OR2T12: variants seen among roughly 807,000 people sequenced by gnomAD.
The protein encoded by OR2T12 is olfactory receptor family 2 subfamily T member 12.
For missense variants in OR2T12, 335 were observed against 404.3 expected (o/e 0.83, Z 1.47); for synonymous variants, 127 against 160.5 (o/e 0.79, Z 1.58).
At chr1:248,298,840 C>A (rs9662385) in intron 2 of OR2T12, among the ~76,000 whole-genome samples, 2 of 151,034 alleles carry the variant, frequency 1.3e-5, no homozygotes, top group Non-Finnish European at 2.9e-5. Context: ...GTTTTTTGTG[C>A]CTCTATTTCC....
chr1:248,301,677 T>C (rs186963811), intron 1 of OR2T12, 124 bp from the exon 2 acceptor site: 33 of 152,262 alleles, frequency 2.2e-4, no homozygotes, highest in Admixed American at 3.9e-4. Flanking sequence ...TTAGTTGAAA[T>C]TTTATGCTTC....
Position 248,295,428 on chromosome 1 carries a change from G to A in OR2T12, c.151C>T (p.His51Tyr), listed in dbSNP as rs142912104. 273 of 1,600,224 alleles carry A rather than the reference G, an allele frequency of 1.7e-4. 6 individuals are homozygous for A. The African/African-American group carries it at 3.5e-3, about 21-fold the overall frequency. ...ALMILLIHWD[H>Y]RLHRPMYFLL... ...AAGTACATGGGCCTGTGGAGCCGGT[G>A]GTCCCAGTGAATCAGGAGAATCATG... Residue 51 changes from histidine to tyrosine, a missense_variant, in exon 3 of 3, where the codon CAC becomes TAC. By Grantham distance (83) the His-to-Tyr change is moderately conservative. Coordinates refer to ENST00000641276, the MANE Select transcript of OR2T12 (RefSeq NM_001004692.2).
chr1:248,295,322 C>T lies in OR2T12; in HGVS notation c.257G>A (p.Gly86Glu), dbSNP rs777107229. The T allele has an allele frequency of 3.7e-6, 6 of 1,609,234 alleles. No individual in the cohort carries two copies. In the East Asian group the frequency reaches 1.3e-4, roughly 36 times the overall value. Residue 86 changes from glycine (G) to glutamate (E), a missense_variant, in exon 3 of 3, where the codon GGA (glycine) becomes GAA (glutamate). Gly to Glu is a moderately conservative substitution (Grantham distance 98). Transcript: ENST00000641276. ...GCCAGCGCGGGAGATGGCCTTATTT[C>T]CGGTCAAGTAGTCAGCCGCCATTTT... ...VPKMAADYLT[G>E]NKAISRAGCG...
intron 2 of OR2T12, among the ~76,000 whole-genome samples, chr1:248,299,685 C>G (rs1195690997): frequency 6.6e-6 from 1 of 152,068 alleles, no homozygotes; most frequent in Non-Finnish European, 1.5e-5. Context: ...CCAAGCGGAC[C>G]TAATAGACAT....
Position 248,294,612 on chromosome 1 carries a change from T to A in OR2T12, c.*4A>T. On this transcript the variant is annotated 3_prime_UTR_variant, in exon 3 of 3. Transcript: ENST00000641276. Reference sequence around the variant, plus strand: ...TCAGGAACTTAGACTCATCTGACACTAGATCATCTTGACCTGTGGGCCTCA... The same window carrying A: ...TCAGGAACTTAGACTCATCTGACACAAGATCATCTTGACCTGTGGGCCTCA... The A allele has an allele frequency of 6.2e-7, 1 of 1,612,440 alleles. No homozygotes were observed. Among genetic ancestry groups the A allele is most frequent in the South Asian group, 1.1e-5 (1 of 90,976 alleles).
rs1659664944 is a variant in OR2T12 at position 248,293,569 on chromosome 1, T to C, written c.*1047A>G. ...TATTCTTCTGCAAACTCCAAATCTT[T>C]AAAATGTGTCCCAAATTTTTCATCA... is the stretch of plus-strand genomic sequence containing the variant. On this transcript the variant is annotated 3_prime_UTR_variant, in exon 3 of 3. Transcript: ENST00000641276. 6.6e-6 allele frequency: 1 copy of C among 152,146 alleles called. No individual in the cohort carries two copies. The highest frequency in any genetic ancestry group is 2.1e-4 in the South Asian group (1 of 4,826). The allele number at this position is 152,146 out of a possible 1,614,324, so 9.4% of individuals were successfully genotyped here. A position where few individuals can be genotyped will look rare whatever the true frequency, so the allele number is the denominator to read the frequency against.
In OR2T12 at chr1:248,296,573, T is replaced by A. The variant is rs527941659; in HGVS notation, c.-8-987A>T. ...TAACTGGTGTGAGATGATATCTCAT[T>A]GTGGTTTTGATTTGCATTTCTCTGA... On this transcript the variant is annotated intron_variant, in intron 2 of 2. Coordinates refer to ENST00000641276, the MANE Select transcript of OR2T12 (RefSeq NM_001004692.2). Among the ~76,000 whole-genome samples, 434 of 152,192 alleles carry A rather than the reference T, an allele frequency of 2.9e-3. 5 individuals carry two copies. The highest frequency in any genetic ancestry group is 1.0e-2 in the African/African-American group (414 of 41,538).
intron 2 of OR2T12, among the ~76,000 whole-genome samples, chr1:248,298,257 A>T (rs1351691482): frequency 6.6e-6 from 1 of 152,162 alleles, no homozygotes; most frequent in Non-Finnish European, 1.5e-5. Context: ...GTTTGCCAGT[A>T]TTTTATTGAG....
chr1:248,295,954 C>T (rs1659719579), intron 2 of OR2T12, among the ~76,000 whole-genome samples: 6 of 151,956 alleles, frequency 3.9e-5, no homozygotes, highest in Non-Finnish European at 1.5e-5. Flanking sequence ...GCTGCACCCA[C>T]TAACTCCTCA....
intron 1 of OR2T12, among the ~76,000 whole-genome samples, chr1:248,303,106 C>A (rs7517319): frequency 0.78 from 118,022 of 152,014 alleles, 46,046 homozygotes; most frequent in South Asian, 0.88. Context: ...CAGGACATAT[C>A]AAAACAAAAA....
intron 2 of OR2T12, among the ~76,000 whole-genome samples, chr1:248,298,548 A>G (rs924028237): frequency 7.3e-5 from 11 of 151,702 alleles, no homozygotes; most frequent in Non-Finnish European, 1.5e-4. Context: ...TGGTCTATTC[A>G]GAGATTCAAC....
chr1:248,291,981 G>A lies in OR2T12; in HGVS notation c.*2635C>T, dbSNP rs917602117. 6.6e-6 allele frequency: 1 copy of A among 152,036 alleles called. No homozygotes were observed. The highest frequency in any genetic ancestry group is 2.4e-5 in the African/African-American group (1 of 41,386). 9.4% of individuals were successfully genotyped at this position (152,036 alleles called of 1,614,324 possible). A position where few individuals can be genotyped will look rare whatever the true frequency, so the allele number is the denominator to read the frequency against. On this transcript the variant is annotated 3_prime_UTR_variant, in exon 3 of 3. Transcript: ENST00000641276. ...ACATAAAACCATAAAAACCCTAGAA[G>A]AAAACCTAGGCAGTACCATTCAGGA...
chr1:248,291,196 A>G lies in OR2T12; in HGVS notation c.*3420T>C, dbSNP rs1450132170. 1 of 152,144 alleles carries G rather than the reference A, an allele frequency of 6.6e-6. No individual in the cohort carries two copies. The highest frequency in any genetic ancestry group is 1.5e-5 in the Non-Finnish European group (1 of 68,014). The allele number at this position is 152,144 out of a possible 1,614,324, so 9.4% of individuals were successfully genotyped here. On this transcript the variant is annotated 3_prime_UTR_variant, in exon 3 of 3. Coordinates refer to ENST00000641276, the MANE Select transcript of OR2T12 (RefSeq NM_001004692.2). ...CATGATTGCATATTTAGAACACCCC[A>G]TCATCTCAGCTCAAAATCTCCTTAA...
chr1:248,300,107 T>C (rs1659793734), intron 2 of OR2T12, among the ~76,000 whole-genome samples: 1 of 151,908 alleles, frequency 6.6e-6, no homozygotes, highest in Non-Finnish European at 1.5e-5. Context: ...ATAATAATAA[T>C]AAAATTAAAA....
In OR2T12 at chr1:248,292,211, C is replaced by T. The variant is rs1450196506; in HGVS notation, c.*2405G>A. On this transcript the variant is annotated 3_prime_UTR_variant, in exon 3 of 3. Coordinates refer to ENST00000641276, the MANE Select transcript of OR2T12 (RefSeq NM_001004692.2). Reference sequence around the variant, plus strand: ...TATATAGGCAGTGTAAAGGAAAGAGCCAGAATGATTGAAGATAGCAGGTAA... The same window carrying T: ...TATATAGGCAGTGTAAAGGAAAGAGTCAGAATGATTGAAGATAGCAGGTAA... 2.0e-5 allele frequency: 3 copies of T among 152,016 alleles called. No individual in the cohort carries two copies. The highest frequency in any genetic ancestry group is 4.4e-5 in the Non-Finnish European group (3 of 67,952). 9.4% of individuals were successfully genotyped at this position (152,016 alleles called of 1,614,324 possible). A position where few individuals can be genotyped will look rare whatever the true frequency, so the allele number is the denominator to read the frequency against.
chr1:248,291,044 A>T lies in OR2T12; in HGVS notation c.*3572T>A, dbSNP rs910953515. 4.6e-5 allele frequency: 7 copies of T among 151,378 alleles called. No homozygotes were observed. Among genetic ancestry groups the T allele is most frequent in the Non-Finnish European group, 8.8e-5 (6 of 67,846 alleles). The allele number at this position is 151,378 out of a possible 1,614,324, so 9.4% of individuals were successfully genotyped here. A position where few individuals can be genotyped will look rare whatever the true frequency, so the allele number is the denominator to read the frequency against. On this transcript the variant is annotated 3_prime_UTR_variant, in exon 3 of 3. Coordinates refer to ENST00000641276, the MANE Select transcript of OR2T12 (RefSeq NM_001004692.2). ...ATAAATATGTTTAAGTTCCTTGTAG[A>T]TTCTTGATATTAGCCATTTGTCAGA...
In OR2T12 at chr1:248,293,319, T is replaced by C. The variant is rs184638450; in HGVS notation, c.*1297A>G. On this transcript the variant is annotated 3_prime_UTR_variant, in exon 3 of 3. Coordinates refer to ENST00000641276, the MANE Select transcript of OR2T12 (RefSeq NM_001004692.2). ...TGGCGGGTTAACTTTCAGACACTTA[T>C]ATTGAAGATACATTGTCCCTGGAAG... 1.4e-3 allele frequency: 211 copies of C among 152,280 alleles called. 1 individual carries two copies. Among genetic ancestry groups the C allele is most frequent in the African/African-American group, 4.9e-3 (203 of 41,576 alleles). 9.4% of individuals were successfully genotyped at this position (152,280 alleles called of 1,614,324 possible).
In OR2T12 at chr1:248,295,265, A is replaced by T; in HGVS notation, c.314T>A (p.Leu105Gln). The change falls in exon 3 of 3, where the codon CTG becomes CAG. Residue 105 changes from leucine (L) to glutamine (Q), a missense_variant. Coordinates refer to ENST00000641276, the MANE Select transcript of OR2T12 (RefSeq NM_001004692.2). The stretch of plus-strand genomic sequence containing the variant: ...TAAGAGGAAGCACTCTCCACCACCC[A>T]GTGTGGGGAGGAAGAAGATCTGCAC... ...CGVQIFFLPT[L>Q]GGGECFLLAA... is the part of the protein sequence containing the mutation. 1 of 1,608,138 alleles carries T rather than the reference A, an allele frequency of 6.2e-7. No individual in the cohort carries two copies. The highest frequency in any genetic ancestry group is 8.5e-7 in the Non-Finnish European group (1 of 1,177,442).
At chr1:248,296,909 T>G (rs899595878) in intron 2 of OR2T12, among the ~76,000 whole-genome samples, 3 of 152,196 alleles carry the variant, frequency 2.0e-5, no homozygotes, top group African/African-American at 7.2e-5. Context: ...TTTGGTGTTT[T>G]AGACATGAAG....
Sources: allele counts gnomAD v4.1 joint callset (sites outside exome capture counted in the v4.1 genomes callset), GRCh38; gene constraint gnomAD v4.1.1; transcripts MANE v1.5; gene names NCBI Gene and HGNC (gene_info 2026-07-23, HGNC 2026-07-21).